The following MYOM1 variants were observed in gnomAD, a reference collection of about 807,000 sequenced individuals.
MYOM1 encodes the protein myomesin 1.
A neutral mutation model predicts 205.3 loss-of-function variants in MYOM1; 164 were observed. That is an observed-to-expected ratio of 0.80 (90% CI 0.70 to 0.91). MYOM1 has a LOEUF of 0.91. Among genes scored for constraint, MYOM1 ranks in the 40% least tolerant of loss-of-function variants. The probability of loss-of-function intolerance (pLI) is 0.00; values close to 1 mark genes in which losing one functional copy is unlikely to be tolerated. For synonymous variants in MYOM1, 772 were observed against 789.4 expected (o/e 0.98, Z 0.37); for missense variants, 2,011 against 2,127.3 (o/e 0.95, Z 1.08).
chr18:3,144,137 C>T (rs752311749), intron 13 of MYOM1, among the ~76,000 whole-genome samples: 2 of 151,714 alleles, frequency 1.3e-5, no homozygotes, highest in African/African-American at 2.4e-5. Context: ...ACCTGGGAGG[C>T]GGAGCTTGCA....
Position 3,135,990 on chromosome 18 carries a change from G to GT in MYOM1, c.2026-261dup, listed in dbSNP as rs1296855730. 2.0e-5 allele frequency among the ~76,000 whole-genome samples: 3 copies of GT among 152,176 alleles called. No homozygotes were observed. Among genetic ancestry groups the GT allele is most frequent in the Non-Finnish European group, 4.4e-5 (3 of 68,042 alleles). On this transcript the variant is annotated intron_variant, in intron 14 of 37. Transcript: ENST00000356443. The surrounding 1 kb of genome is among the most constrained non-coding windows in gnomAD (Gnocchi z 4.1). ...ATTGTAGCTCCCATAATTCCCATGT[G>GT]TGTGGGAGGGACCTGGTGGGAGATA...
chr18:3,243,396 C>T, the MYOM1 span, among the ~76,000 whole-genome samples: 2 of 152,168 alleles, frequency 1.3e-5, no homozygotes, highest in East Asian at 3.8e-4. Flanking sequence ...CATATAAAAT[C>T]ATTGACTTAG....
the MYOM1 span, among the ~76,000 whole-genome samples, chr18:3,244,174 T>A: frequency 6.6e-6 from 1 of 152,112 alleles, no homozygotes; most frequent in African/African-American, 2.4e-5. Context: ...GTCCCGTTTG[T>A]GAAAAGCAAA....
At position 3,113,969 on chromosome 18, in the gene MYOM1, T is replaced by C. The variant is rs1417986124; in HGVS notation, c.3304-1557A>G. Among the ~76,000 whole-genome samples, 2 of 152,352 alleles carry C rather than the reference T, an allele frequency of 1.3e-5. 1 individual carries two copies. The highest frequency in any genetic ancestry group is 6.8e-3 in the Middle Eastern group (2 of 294). ...TTACAGCAGAATGTCACTATTTATG[T>C]AGTAATAGCCCTCACTGGCACTAAC... On this transcript the variant is annotated intron_variant, in intron 21 of 37. Coordinates refer to ENST00000356443, the MANE Select transcript of MYOM1 (RefSeq NM_003803.4).
At position 3,067,688 on chromosome 18, in the gene MYOM1, A is replaced by G. The variant is rs2078913379; in HGVS notation, c.4765-133T>C. The G allele has an allele frequency of 4.3e-6, 4 of 933,798 alleles. No individual in the cohort carries two copies. The Admixed American group carries it at 1.1e-4, about 26-fold the overall frequency. The allele number at this position is 933,798 out of a possible 1,614,324, so 57.8% of individuals were successfully genotyped here. On this transcript the variant is annotated intron_variant, in intron 37 of 37. Transcript: ENST00000356443. ...AAAAGCCTCCCGGACCAGGGTTTAA[A>G]GTAGTTCTGTGTATGCACCTGTGTG...
intron 14 of MYOM1, among the ~76,000 whole-genome samples, chr18:3,137,929 G>A (rs975434681): frequency 6.6e-6 from 1 of 152,112 alleles, no homozygotes; most frequent in Non-Finnish European, 1.5e-5. Context: ...CTGTAAATAT[G>A]TGCAATGATT....
At chr18:3,162,159 T>C (rs765638307) in intron 10 of MYOM1, among the ~76,000 whole-genome samples, 1 of 152,196 alleles carries the variant, frequency 6.6e-6, no homozygotes, top group Non-Finnish European at 1.5e-5. Flanking sequence ...TTTAACATCT[T>C]AGACACCATT....
chr18:3,137,253 GT>G (rs982453589), intron 14 of MYOM1, among the ~76,000 whole-genome samples: 1 of 151,632 alleles, frequency 6.6e-6, no homozygotes, highest in African/African-American at 2.4e-5. Context: ...CCGGCCCAGT[GT>G]TTTTTTTCTA....
At chr18:3,216,085 T>C (rs910187424) in intron 1 of MYOM1, among the ~76,000 whole-genome samples, 2 of 152,092 alleles carry the variant, frequency 1.3e-5, no homozygotes, top group Non-Finnish European at 2.9e-5. Context: ...CCGGCCAACA[T>C]GGCGAAACCC....
At chr18:3,141,507 G>T in intron 14 of MYOM1, among the ~76,000 whole-genome samples, 1 of 152,140 alleles carries the variant, frequency 6.6e-6, no homozygotes. Context: ...TGAGAGTATT[G>T]CCCCTTCTCC....
chr18:3,122,012 G>C (rs2079699860), intron 19 of MYOM1, among the ~76,000 whole-genome samples: 1 of 152,018 alleles, frequency 6.6e-6, no homozygotes, highest in Non-Finnish European at 1.5e-5. Context: ...CCAGCTACTT[G>C]GGAGGCTGAG....
Position 3,142,431 on chromosome 18 carries a change from CA to C in MYOM1, c.1901-369del, listed in dbSNP as rs200360508. ...TGCACACCACCACACCTACATAATTCAAAAAAAAATATTTTTTTTTGTAGAG... is the reference window on the plus strand; with the variant it reads ...TGCACACCACCACACCTACATAATTCAAAAAAAATATTTTTTTTTGTAGAG... On this transcript the variant is annotated intron_variant, in intron 13 of 37. Transcript: ENST00000356443. Among the ~76,000 whole-genome samples the C allele has an allele frequency of 1.4e-4, 21 of 150,854 alleles. No individual in the cohort carries two copies. The East Asian group carries it at 2.3e-3, about 17-fold the overall frequency.
At position 3,071,873 on chromosome 18, in the gene MYOM1, C is replaced by G. The variant is rs1163800895; in HGVS notation, c.4725G>C (p.Leu1575Phe). ...TGGTGACCACGTCTGGGAGACCTCC[C>G]AACACCCGGGCACGATCTGCAAGCA... ...AIAEKNRARV[L>F]GGLPDVVTIQ... is the part of the protein sequence containing the mutation. Residue 1575 changes from leucine to phenylalanine, a missense_variant, in exon 37 of 38, where the codon TTG becomes TTC. Transcript: ENST00000356443. 1.9e-6 allele frequency: 3 copies of G among 1,605,636 alleles called. No individual in the cohort carries two copies. The highest frequency in any genetic ancestry group is 1.7e-6 in the Non-Finnish European group (2 of 1,176,054).
intron 32 of MYOM1, 39 bp from the exon 33 acceptor site, chr18:3,083,933 C>T: frequency 6.4e-7 from 1 of 1,574,538 alleles, no homozygotes; most frequent in Non-Finnish European, 8.6e-7. Flanking sequence ...CATCTGCATG[C>T]CCCTCCTGGC....
At chr18:3,144,921 A>T (rs2080103589) in intron 13 of MYOM1, among the ~76,000 whole-genome samples, 1 of 152,258 alleles carries the variant, frequency 6.6e-6, no homozygotes, top group East Asian at 1.9e-4. Flanking sequence ...TGTAGATATT[A>T]GCAATAGTAA....
intron 5 of MYOM1, among the ~76,000 whole-genome samples, chr18:3,180,064 A>G (rs370676087): frequency 6.6e-6 from 1 of 152,316 alleles, no homozygotes; most frequent in Admixed American, 6.5e-5. Context: ...TGGGAGGCTG[A>G]AGCAGGAGGA....
At chr18:3,148,327 A>G (rs866418093) in intron 13 of MYOM1, among the ~76,000 whole-genome samples, 16 of 152,334 alleles carry the variant, frequency 1.1e-4, no homozygotes, top group Middle Eastern at 3.4e-3. Flanking sequence ...AATACTTTGG[A>G]ACGAATTGAT....
chr18:3,137,390 C>T (rs1437624306), intron 14 of MYOM1, among the ~76,000 whole-genome samples: 2 of 152,140 alleles, frequency 1.3e-5, no homozygotes, highest in Non-Finnish European at 2.9e-5. Context: ...TATTGCTGCA[C>T]TCACAAAAGC....
intron 5 of MYOM1, among the ~76,000 whole-genome samples, chr18:3,185,937 G>A (rs190939777): frequency 6.6e-6 from 1 of 152,078 alleles, no homozygotes; most frequent in Non-Finnish European, 1.5e-5. Context: ...GGCTCACTCC[G>A]GTAGTCCCAG....
Sources: gnomAD v4.1 joint callset for allele counts (sites outside exome capture counted in the v4.1 genomes callset) on GRCh38, gnomAD v4.1.1 for gene constraint, Gnocchi (gnomAD v3.1) non-coding constraint, MANE v1.5 for transcripts, NCBI Gene and HGNC (gene_info 2026-07-23, HGNC 2026-07-21) for gene names.